ASCC1: variants seen among roughly 807,000 people sequenced by gnomAD.
ASCC1 encodes the protein activating signal cointegrator 1 complex subunit 1.
ASCC1 carries 35 observed loss-of-function variants against 46.6 expected under a neutral mutation model. The ratio of observed to expected loss-of-function variants is 0.75; its 90% CI spans 0.57 to 0.99. The LOEUF is 0.99. ASCC1 is among the 50% of genes least tolerant of loss of function. The pLI is 0.00. For synonymous variants in ASCC1, 143 were observed against 146.6 expected (o/e 0.98, Z 0.18); for missense variants, 376 against 428.7 (o/e 0.88, Z 1.09).
At chr10:72,209,487 A>G (rs901928199) in intron 3 of ASCC1, among the ~76,000 whole-genome samples, 10 of 152,152 alleles carry the variant, frequency 6.6e-5, no homozygotes, top group Admixed American at 6.6e-4. Context: ...TCTCAAAAAT[A>G]CAATAATAAA....
intron 8 of ASCC1, 137 bp from the exon 9 acceptor site, chr10:72,128,304 T>C (rs547801219): frequency 1.4e-6 from 1 of 729,764 alleles, no homozygotes; most frequent in African/African-American, 1.7e-5. Context: ...AGGAAAAATG[T>C]CAGGCTATGA....
At chr10:72,136,323 G>A (rs1388118794) in intron 7 of ASCC1, among the ~76,000 whole-genome samples, 4 of 151,732 alleles carry the variant, frequency 2.6e-5, no homozygotes, top group Non-Finnish European at 4.4e-5. Flanking sequence ...GATTGTAAAC[G>A]CACCAATCAG....
chr10:72,196,742 T>C (rs961008082), intron 5 of ASCC1, 69 bp downstream of exon 5: 1 of 1,481,466 alleles, frequency 6.8e-7, no homozygotes, highest in African/African-American at 1.4e-5. Flanking sequence ...CTGTTTGATT[T>C]ATGAACCATT....
chr10:72,175,650 G>T (rs1187992964), intron 5 of ASCC1, among the ~76,000 whole-genome samples: 2 of 152,158 alleles, frequency 1.3e-5, no homozygotes, highest in Non-Finnish European at 2.9e-5. Context: ...CCAGAGAAAA[G>T]AACTTCTCAT....
chr10:72,132,157 C>A (rs989762919), intron 8 of ASCC1, among the ~76,000 whole-genome samples: 3 of 152,142 alleles, frequency 2.0e-5, no homozygotes, highest in African/African-American at 4.8e-5. Flanking sequence ...GCATGAGCCA[C>A]CGCACCTGGC....
intron 5 of ASCC1, 105 bp downstream of exon 5, chr10:72,196,706 T>C: frequency 1.7e-6 from 2 of 1,150,180 alleles, no homozygotes; most frequent in Non-Finnish European, 2.5e-6. Flanking sequence ...TCTTTTTTGG[T>C]GGGGGAAGAA....
chr10:72,164,291 C>CTTAATAA (rs1850070101), intron 5 of ASCC1, among the ~76,000 whole-genome samples: 1 of 152,188 alleles, frequency 6.6e-6, no homozygotes, highest in East Asian at 1.9e-4. Flanking sequence ...ATAATCACTC[C>CTTAATAA]TCTTTCTCCA....
chr10:72,114,400 C>A (rs1843259980), intron 9 of ASCC1, among the ~76,000 whole-genome samples: 1 of 151,970 alleles, frequency 6.6e-6, no homozygotes, highest in Admixed American at 6.6e-5. Flanking sequence ...CCGAGGCAGG[C>A]GGATCACGAG....
chr10:72,173,749 G>C lies in ASCC1; in HGVS notation c.490-12075C>G, dbSNP rs1022942646. Among the ~76,000 whole-genome samples, 15 of 143,430 alleles carry C rather than the reference G, an allele frequency of 1.0e-4. No individual in the cohort carries two copies. In the South Asian group the frequency reaches 1.9e-3, roughly 18 times the overall value. The allele number at this position is 143,430 out of a possible 152,430, so 94.1% of individuals were successfully genotyped here. A position where few individuals can be genotyped will look rare whatever the true frequency, so the allele number is the denominator to read the frequency against. ...TAGAGCCACTGTTTTTCTTTGCTCG[G>C]AATATATCATCATATTCCTGCCCCA... On this transcript the variant is annotated intron_variant, in intron 5 of 9. Coordinates refer to ENST00000672957, the MANE Select transcript of ASCC1 (RefSeq NM_001198800.3).
intron 9 of ASCC1, among the ~76,000 whole-genome samples, chr10:72,119,566 A>C (rs1481455699): frequency 6.6e-6 from 1 of 152,190 alleles, no homozygotes; most frequent in Non-Finnish European, 1.5e-5. Flanking sequence ...GTCCAGTGGC[A>C]CAAGCTCACC....
intron 9 of ASCC1, among the ~76,000 whole-genome samples, chr10:72,127,664 C>CTTTTTTTTTTTTTTTTTTTTTTTTTT (rs3063665): frequency 7.7e-6 from 1 of 130,008 alleles, no homozygotes; most frequent in Non-Finnish European, 1.6e-5. Context: ...CTAAGGGTTT[C>CTTTTTTTTTTTTTTTTTTTTTTTTTT]TTTTTTTTTT....
intron 9 of ASCC1, among the ~76,000 whole-genome samples, chr10:72,108,045 T>C (rs1486965258): frequency 1.3e-5 from 2 of 152,034 alleles, no homozygotes; most frequent in African/African-American, 2.4e-5. Context: ...TAGGATGGTA[T>C]GTTAAATACT....
chr10:72,171,874 T>G (rs1851135075), intron 5 of ASCC1, among the ~76,000 whole-genome samples: 1 of 152,154 alleles, frequency 6.6e-6, no homozygotes, highest in Admixed American at 6.5e-5. Flanking sequence ...TCCCAAAATG[T>G]TTTTTAAGGC....
chr10:72,150,185 C>CA (rs1203103055), intron 7 of ASCC1, among the ~76,000 whole-genome samples: 5,667 of 133,434 alleles, frequency 0.042, 323 homozygotes, highest in African/African-American at 0.14. Context: ...AACTCTGTCT[C>CA]AAAAAAAAAA....
chr10:72,203,609 G>A, intron 3 of ASCC1, 85 bp from the exon 4 acceptor site: 3 of 988,142 alleles, frequency 3.0e-6, no homozygotes, highest in Non-Finnish European at 4.8e-6. Flanking sequence ...TTTGTGACAA[G>A]AGATACTCCC....
At chr10:72,187,585 T>C (rs376595130) in intron 5 of ASCC1, among the ~76,000 whole-genome samples, 139 of 152,102 alleles carry the variant, frequency 9.1e-4, no homozygotes, top group African/African-American at 3.0e-3. Flanking sequence ...CCGGGCACAG[T>C]GGCGAGCGCC....
chr10:72,103,128 TG>T (rs1438447904), intron 9 of ASCC1, among the ~76,000 whole-genome samples: 5 of 151,786 alleles, frequency 3.3e-5, no homozygotes, highest in East Asian at 1.9e-4. Context: ...ATAGATACTA[TG>T]TTTTTTTTTC....
At chr10:72,191,356 C>T (rs1369783504) in intron 5 of ASCC1, among the ~76,000 whole-genome samples, 7 of 151,668 alleles carry the variant, frequency 4.6e-5, no homozygotes, top group African/African-American at 4.8e-5. Flanking sequence ...TGAGCCACCG[C>T]GCCTGGCTGT....
In ASCC1 at chr10:72,213,302, A is replaced by C; in HGVS notation, c.-4T>G. 6.3e-7 allele frequency: 1 copy of C among 1,597,798 alleles called. No individual in the cohort carries two copies. The highest frequency in any genetic ancestry group is 8.6e-7 in the Non-Finnish European group (1 of 1,165,532). On this transcript the variant is annotated 5_prime_UTR_variant, in exon 2 of 10. Transcript: ENST00000672957. ...GCTGTGGACGCAGAACTTCCATGAC[A>C]CTTTCTCCAAATGATATTCCAATTA...
Sources: allele counts gnomAD v4.1 joint callset (sites outside exome capture counted in the v4.1 genomes callset), GRCh38; gene constraint gnomAD v4.1.1; transcripts MANE v1.5; gene names NCBI Gene and HGNC (gene_info 2026-07-23, HGNC 2026-07-21).